The following SHC4 variants were observed in gnomAD, a reference collection of about 807,000 sequenced individuals.
SHC4 encodes the protein SHC adaptor protein 4.
A neutral mutation model predicts 69.4 loss-of-function variants in SHC4; 41 were observed. The ratio of observed to expected loss-of-function variants is 0.59; its 90% CI spans 0.46 to 0.77. The LOEUF is 0.77. Among genes scored for constraint, SHC4 ranks in the 30% least tolerant of loss-of-function variants. The pLI, the probability that SHC4 is intolerant of heterozygous loss-of-function variation, is 0.00. For synonymous variants in SHC4, 318 were observed against 299.3 expected, an observed-to-expected ratio of 1.06 and a Z score of -0.64; for missense variants, 777 against 783.8, an observed-to-expected ratio of 0.99 and a Z score of 0.10.
In SHC4 at chr15:48,848,500, T is replaced by C. The variant is rs189057054; in HGVS notation, c.1303+2688A>G. Among the ~76,000 whole-genome samples, 25 of 152,302 alleles carry C rather than the reference T, an allele frequency of 1.6e-4. No individual in the cohort carries two copies. The East Asian group carries it at 4.4e-3, about 27-fold the overall frequency. ...CAAAATATACATTTAAGCTTCAATA[T>C]AGGCAAACCAGAATAGTAGAATATA... On this transcript the variant is annotated intron_variant, in intron 9 of 11. Transcript: ENST00000332408.
In SHC4 at chr15:48,856,217, A is replaced by G. The variant is rs568271087; in HGVS notation, c.1071-93T>C. The G allele has an allele frequency of 7.2e-5, 89 of 1,233,314 alleles. No homozygotes were observed. The East Asian group carries it at 2.0e-3, about 28-fold the overall frequency. The allele number at this position is 1,233,314 out of a possible 1,614,324, so 76.4% of individuals were successfully genotyped here. The stretch of plus-strand genomic sequence containing the variant: ...ATCAGAACCAAGCAAATCATCCTGA[A>G]AAACTTTGCATTCATGTTTTCAGTT... On this transcript the variant is annotated intron_variant, in intron 7 of 11. Coordinates refer to ENST00000332408, the MANE Select transcript of SHC4 (RefSeq NM_203349.4).
Position 48,851,168 on chromosome 15 carries a change from G to A in SHC4, c.1303+20C>T. On this transcript the variant is annotated intron_variant, in intron 9 of 11. Transcript: ENST00000332408. Reference sequence around the variant, plus strand: ...CAAGGAATAAGGAGGGTGGCAGATGGAGAAGGGCATTGTACCTACCTATTG... The same window carrying A: ...CAAGGAATAAGGAGGGTGGCAGATGAAGAAGGGCATTGTACCTACCTATTG... The A allele has an allele frequency of 6.2e-7, 1 of 1,612,106 alleles. No homozygotes were observed. Among genetic ancestry groups the A allele is most frequent in the Admixed American group, 1.7e-5 (1 of 59,954 alleles).
chr15:48,885,176 A>C (rs1900011666), intron 3 of SHC4, among the ~76,000 whole-genome samples: 1 of 152,238 alleles, frequency 6.6e-6, no homozygotes, highest in South Asian at 2.1e-4. Flanking sequence ...GGAATTATAA[A>C]GAAAAGCACT....
In SHC4 at chr15:48,825,792, C is replaced by A; in HGVS notation, c.*179G>T. On this transcript the variant is annotated 3_prime_UTR_variant, in exon 12 of 12. Transcript: ENST00000332408. ...TCTTCCTCTTTTCTGATTTTCATTT[C>A]TGAAGACTAATTTTTGTTAGTTCTT... 1.5e-6 allele frequency: 1 copy of A among 674,862 alleles called. No homozygotes were observed. Among genetic ancestry groups the A allele is most frequent in the Middle Eastern group, 4.2e-4 (1 of 2,406 alleles). The allele number at this position is 674,862 out of a possible 1,614,324, so 41.8% of individuals were successfully genotyped here.
rs74012172 is a variant in SHC4 at position 48,830,201 on chromosome 15, T to C, written c.1738-4075A>G. ...TTCCTTTATCATTTTGTTTTGTGTA[T>C]CTTCTAGAAGTATTTTCTTTGTGAT... is the stretch of plus-strand genomic sequence containing the variant. On this transcript the variant is annotated intron_variant, in intron 11 of 11. Coordinates refer to ENST00000332408, the MANE Select transcript of SHC4 (RefSeq NM_203349.4). Among the ~76,000 whole-genome samples the C allele has an allele frequency of 8.8e-3, 1,338 of 152,298 alleles. 10 individuals are homozygous for C. The highest frequency in any genetic ancestry group is 0.031 in the African/African-American group (1,267 of 41,530).
intron 2 of SHC4, among the ~76,000 whole-genome samples, chr15:48,897,135 G>C (rs1900237757): frequency 6.6e-6 from 1 of 152,162 alleles, no homozygotes; most frequent in South Asian, 2.1e-4. Flanking sequence ...TCTGCTCTTA[G>C]AGGAGCAGAA....
chr15:48,938,421 T>C (rs1901113724), intron 1 of SHC4: 1 of 152,172 alleles, frequency 6.6e-6, no homozygotes, highest in Non-Finnish European at 1.5e-5. Context: ...CTGAACACTT[T>C]ATCCTCTATT....
At chr15:48,830,058 A>C (rs144739967) in intron 11 of SHC4, among the ~76,000 whole-genome samples, 2 of 152,344 alleles carry the variant, frequency 1.3e-5, no homozygotes, top group Non-Finnish European at 2.9e-5. Context: ...AGTTAATACT[A>C]GAGAAGAACT....
In SHC4 at chr15:48,891,272, CG is replaced by C. The variant is rs1247640380; in HGVS notation, c.657-462del. Among the ~76,000 whole-genome samples, 49 of 152,210 alleles carry C rather than the reference CG, an allele frequency of 3.2e-4. 1 individual carries two copies. Among genetic ancestry groups the C allele is most frequent in the African/African-American group, 1.1e-3 (47 of 41,516 alleles). On this transcript the variant is annotated intron_variant, in intron 2 of 11. Coordinates refer to ENST00000332408, the MANE Select transcript of SHC4 (RefSeq NM_203349.4). ...CTGACACGAGAAAATTTAAAAGGATCGGGAGAACGTTGAACTTCAAGGTGGT... is the reference window on the plus strand; with the variant it reads ...CTGACACGAGAAAATTTAAAAGGATCGGAGAACGTTGAACTTCAAGGTGGT...
chr15:48,946,676 T>C, intron 1 of SHC4: 1 of 820,444 alleles, frequency 1.2e-6, no homozygotes, highest in African/African-American at 1.8e-5. Context: ...CTTATCTTTC[T>C]TGCTCTCTGG....
At chr15:48,908,869 G>T (rs1406631784) in intron 2 of SHC4, among the ~76,000 whole-genome samples, 1 of 152,064 alleles carries the variant, frequency 6.6e-6, no homozygotes, top group African/African-American at 2.4e-5. Flanking sequence ...GTAAGTATTT[G>T]GATTTATTTC....
At chr15:48,948,821 G>A (rs2141038307) in intron 1 of SHC4, among the ~76,000 whole-genome samples, 1 of 152,232 alleles carries the variant, frequency 6.6e-6, no homozygotes, top group South Asian at 2.1e-4. Flanking sequence ...TGGGAGGATG[G>A]CTTGAGCCTG....
At chr15:48,885,125 G>A (rs1323878716) in intron 3 of SHC4, among the ~76,000 whole-genome samples, 1 of 152,182 alleles carries the variant, frequency 6.6e-6, no homozygotes, top group Non-Finnish European at 1.5e-5. Context: ...GAGAAGAAGT[G>A]TGGGGGTGTG....
intron 1 of SHC4, among the ~76,000 whole-genome samples, chr15:48,956,561 G>A (rs540812346): frequency 3.9e-5 from 6 of 152,122 alleles, no homozygotes; most frequent in South Asian, 2.1e-4. Flanking sequence ...ATCCACTATC[G>A]CTCACCTCTT....
intron 2 of SHC4, among the ~76,000 whole-genome samples, chr15:48,912,906 TG>T (rs1340166486): frequency 6.9e-6 from 1 of 143,976 alleles, no homozygotes; most frequent in African/African-American, 2.6e-5. Flanking sequence ...GGGCTGGTTC[TG>T]GGGGTCGTCT....
chr15:48,828,995 TGCTGTGCAGAA>T (rs1898745434), intron 11 of SHC4, among the ~76,000 whole-genome samples: 1 of 152,220 alleles, frequency 6.6e-6, no homozygotes, highest in Non-Finnish European at 1.5e-5. Flanking sequence ...TTGTTTTCTT[TGCTGTGCAGAA>T]GCTTTTTAGT....
chr15:48,849,255 G>A (rs1296964182), intron 9 of SHC4, among the ~76,000 whole-genome samples: 1 of 151,816 alleles, frequency 6.6e-6, no homozygotes, highest in Admixed American at 6.6e-5. Flanking sequence ...CTCTCCCTAT[G>A]TCCCTTTCCT....
chr15:48,930,049 A>C (rs12440434), intron 1 of SHC4, among the ~76,000 whole-genome samples: 22,239 of 152,192 alleles, frequency 0.15, 2,108 homozygotes, highest in East Asian at 0.55. Flanking sequence ...ATAGTTACTT[A>C]TGGGAAGTCT....
intron 2 of SHC4, among the ~76,000 whole-genome samples, chr15:48,899,460 C>T (rs140182350): frequency 1.2e-4 from 18 of 152,024 alleles, no homozygotes; most frequent in Admixed American, 9.2e-4. Flanking sequence ...AGCAACCCTC[C>T]GTCTCAATAA....
Sources: gnomAD v4.1 joint callset for allele counts (sites outside exome capture counted in the v4.1 genomes callset) on GRCh38, gnomAD v4.1.1 for gene constraint, MANE v1.5 for transcripts, NCBI Gene and HGNC (gene_info 2026-07-23, HGNC 2026-07-21) for gene names.